The following NAV3 variants were observed in gnomAD, a reference collection of about 807,000 sequenced individuals.
The protein encoded by NAV3 is pore membrane and/or filament interacting like protein 1.
NAV3 carries 87 observed loss-of-function variants against 244.7 expected under a neutral mutation model. The ratio of observed to expected loss-of-function variants is 0.36; its 90% confidence interval spans 0.30 to 0.42. The LOEUF (loss-of-function observed/expected upper bound fraction) is 0.42, where lower values mean the gene tolerates loss of function less well. NAV3 is among the 20% of genes least tolerant of loss of function. The probability of loss-of-function intolerance (pLI) is 1.00; values close to 1 mark genes in which losing one functional copy is unlikely to be tolerated. For synonymous variants in NAV3, 1,126 were observed against 1,042.2 expected (o/e 1.08, Z -1.55); for missense variants, 2,663 against 2,893.3 (o/e 0.92, Z 1.83).
intron 1 of NAV3, among the ~76,000 whole-genome samples, chr12:77,868,328 CGT>C (rs1347299658): frequency 4.0e-5 from 6 of 151,876 alleles, no homozygotes; most frequent in Non-Finnish European, 7.4e-5. Flanking sequence ...AATATAATAA[CGT>C]ATGTTATTCT....
At chr12:77,811,114 A>G (rs1872265970) in intron 2 of NAV3, among the ~76,000 whole-genome samples, 2 of 152,256 alleles carry the variant, frequency 1.3e-5, no homozygotes, top group African/African-American at 4.8e-5. Context: ...GCTAATACTA[A>G]AATACAAATT....
At chr12:77,835,074 T>G (rs1874387654) in intron 1 of NAV3, among the ~76,000 whole-genome samples, 1 of 37,060 alleles carries the variant, frequency 2.7e-5, no homozygotes, top group South Asian at 4.7e-4. Context: ...TAGGGAGACT[T>G]CAGGAAGTTG....
chr12:77,725,326 A>G (rs1453500353), intron 2 of NAV3, among the ~76,000 whole-genome samples: 2 of 151,978 alleles, frequency 1.3e-5, no homozygotes, highest in Non-Finnish European at 2.9e-5. Context: ...CTATGTAGAC[A>G]TTTTTAAAAG....
intron 2 of NAV3, among the ~76,000 whole-genome samples, chr12:77,766,736 T>TTTTTG (rs1869783278): frequency 1.3e-4 from 2 of 15,296 alleles, no homozygotes; most frequent in African/African-American, 7.1e-4. Context: ...GGCAATTAAG[T>TTTTTG]TTTTTTTTTT....
intron 2 of NAV3, among the ~76,000 whole-genome samples, chr12:77,631,292 C>T (rs1871882961): frequency 6.6e-6 from 1 of 152,082 alleles, no homozygotes. Flanking sequence ...GCTGCCTTAA[C>T]TCTTTCAGGA....
chr12:77,633,781 G>A (rs1160676134), intron 2 of NAV3, among the ~76,000 whole-genome samples: 6 of 152,126 alleles, frequency 3.9e-5, no homozygotes, highest in Non-Finnish European at 7.4e-5. Flanking sequence ...TACTGATCGA[G>A]TTTGGGAAGA....
intron 3 of NAV3, among the ~76,000 whole-genome samples, chr12:77,948,143 C>T (rs775604322): frequency 9.2e-5 from 14 of 151,980 alleles, no homozygotes; most frequent in South Asian, 4.1e-4. Context: ...AAAACAGCAA[C>T]ATGAAATCAT....
Position 78,149,491 on chromosome 12 carries a change from A to G in NAV3, c.4785+572A>G, listed in dbSNP as rs77732917. Among the ~76,000 whole-genome samples the G allele has an allele frequency of 9.9e-3, 1,509 of 152,208 alleles. 22 individuals carry two copies. The highest frequency in any genetic ancestry group is 0.033 in the African/African-American group (1,381 of 41,524). ...GCCCAGGATGGCAGAAATGATGACAATGAAGACCGTCAATTAAATTAACAT... is the reference window on the plus strand; with the variant it reads ...GCCCAGGATGGCAGAAATGATGACAGTGAAGACCGTCAATTAAATTAACAT... On this transcript the variant is annotated intron_variant, in intron 22 of 39. Transcript: ENST00000397909.
intron 1 of NAV3, among the ~76,000 whole-genome samples, chr12:77,902,775 G>A (rs914271954): frequency 1.3e-5 from 2 of 152,168 alleles, no homozygotes; most frequent in Admixed American, 1.3e-4. Context: ...TCCTTAAGCT[G>A]ATAGACAACT....
intron 2 of NAV3, among the ~76,000 whole-genome samples, chr12:77,654,678 C>A (rs2137005249): frequency 6.6e-6 from 1 of 152,260 alleles, no homozygotes; most frequent in South Asian, 2.1e-4. Flanking sequence ...ACCCCTGACC[C>A]CTGAGCAGCC....
intron 24 of NAV3, among the ~76,000 whole-genome samples, chr12:78,170,899 T>G (rs913780234): frequency 6.6e-6 from 1 of 151,754 alleles, no homozygotes; most frequent in African/African-American, 2.4e-5. Flanking sequence ...ACTTCCCTTC[T>G]TAAAATTACA....
intron 2 of NAV3, among the ~76,000 whole-genome samples, chr12:77,693,348 G>C (rs549354396): frequency 6.6e-6 from 1 of 152,002 alleles, no homozygotes; most frequent in South Asian, 2.1e-4. Flanking sequence ...CCCCACACTA[G>C]GCCATGATAA....
chr12:77,690,884 G>T (rs1372109676), intron 2 of NAV3, among the ~76,000 whole-genome samples: 1 of 150,662 alleles, frequency 6.6e-6, no homozygotes, highest in East Asian at 2.0e-4. Context: ...AATTTTCTAA[G>T]TTTCTGATTC....
In NAV3 at chr12:78,198,696, T is replaced by G. The variant is rs1959252394; in HGVS notation, c.6518+20T>G. The G allele has an allele frequency of 1.3e-6, 2 of 1,526,590 alleles. No individual in the cohort carries two copies. Among genetic ancestry groups the G allele is most frequent in the African/African-American group, 1.4e-5 (1 of 71,130 alleles). 94.6% of individuals were successfully genotyped at this position (1,526,590 alleles called of 1,614,324 possible). On this transcript the variant is annotated intron_variant, in intron 36 of 39. Transcript: ENST00000397909. ...TTTCAGGTAAAGTTAAGTTGAAGGT[T>G]TTTTTGTTTTGTTTTTTTGTTTTGT...
intron 1 of NAV3, among the ~76,000 whole-genome samples, chr12:77,840,455 A>G (rs1487600902): frequency 6.6e-6 from 1 of 152,204 alleles, no homozygotes; most frequent in Non-Finnish European, 1.5e-5. Context: ...ATGATGGAGC[A>G]AGGTTTTCAC....
chr12:77,940,996 T>C (rs1437857386), intron 2 of NAV3, 85 bp from the exon 3 acceptor site: 3 of 873,660 alleles, frequency 3.4e-6, no homozygotes, highest in East Asian at 4.9e-5. Flanking sequence ...TATTTTTTTT[T>C]TCCTGTTTTC....
At chr12:77,666,857 G>A (rs1023683573) in intron 2 of NAV3, among the ~76,000 whole-genome samples, 1 of 151,960 alleles carries the variant, frequency 6.6e-6, no homozygotes, top group African/African-American at 2.4e-5. Flanking sequence ...GCTTTCTTTT[G>A]GAAGTAGATT....
intron 12 of NAV3, among the ~76,000 whole-genome samples, chr12:78,066,254 A>T (rs1255228976): frequency 6.6e-6 from 1 of 152,114 alleles, no homozygotes; most frequent in Non-Finnish European, 1.5e-5. Flanking sequence ...AGCATGTTTA[A>T]TGAAAGGAAG....
intron 11 of NAV3, among the ~76,000 whole-genome samples, chr12:78,056,746 G>C (rs747868250): frequency 6.6e-6 from 1 of 152,038 alleles, no homozygotes; most frequent in Non-Finnish European, 1.5e-5. Context: ...ACGTATTTAT[G>C]CTACGAGTCA....
Sources: allele counts gnomAD v4.1 joint callset (sites outside exome capture counted in the v4.1 genomes callset), GRCh38; gene constraint gnomAD v4.1.1; transcripts MANE v1.5; gene names NCBI Gene and HGNC (gene_info 2026-07-23, HGNC 2026-07-21).